Variants in SRPK2 observed in about 807,000 individuals in gnomAD.
The protein encoded by SRPK2 is SFRS protein kinase 2.
Under a neutral mutation model 90.8 loss-of-function variants are expected in SRPK2, and 21 were observed. The observed-to-expected ratio is 0.23, with a 90% CI of 0.16 to 0.33. The LOEUF (loss-of-function observed/expected upper bound fraction) is 0.33. Ranked by LOEUF, SRPK2 falls within the 10% of genes least tolerant of loss-of-function variation. SRPK2 has a pLI of 1.00. For missense variants in SRPK2, 620 were observed against 869.0 expected (o/e 0.71, Z 3.60); for synonymous variants, 288 against 311.1 (o/e 0.93, Z 0.78).
chr7:105,211,687 A>C (rs1488745957), intron 2 of SRPK2, among the ~76,000 whole-genome samples: 9 of 152,062 alleles, frequency 5.9e-5, no homozygotes, highest in African/African-American at 1.7e-4. Context: ...ACCAGGTACC[A>C]CCTCCAACAT....
At chr7:105,286,746 C>G (rs1363761237) in intron 2 of SRPK2, among the ~76,000 whole-genome samples, 1 of 152,212 alleles carries the variant, frequency 6.6e-6, no homozygotes, top group East Asian at 1.9e-4. Context: ...AACAATTAGT[C>G]AATCATGCCA....
At chr7:105,319,736 C>T (rs935474502) in intron 2 of SRPK2, among the ~76,000 whole-genome samples, 1 of 151,998 alleles carries the variant, frequency 6.6e-6, no homozygotes, top group African/African-American at 2.4e-5. Flanking sequence ...TTCCAGCAGC[C>T]GTACTTTAAC....
chr7:105,306,958 G>C (rs1054582953), intron 2 of SRPK2, among the ~76,000 whole-genome samples: 3 of 152,166 alleles, frequency 2.0e-5, no homozygotes, highest in South Asian at 2.1e-4. Flanking sequence ...GTTCTGAATA[G>C]AGAATACAAT....
Position 105,388,852 on chromosome 7 carries a change from G to C in SRPK2, c.-46C>G. 7.6e-7 allele frequency: 1 copy of C among 1,314,614 alleles called. No homozygotes were observed. Among genetic ancestry groups the C allele is most frequent in the Non-Finnish European group, 9.6e-7 (1 of 1,037,924 alleles). 81.4% of individuals were successfully genotyped at this position (1,314,614 alleles called of 1,614,324 possible). ...GCGGGGGGCTTCGCGACGGCGACGCGGGCGCCGAGACGAGCTGGGCTGCAG... is the reference window on the plus strand; with the variant it reads ...GCGGGGGGCTTCGCGACGGCGACGCCGGCGCCGAGACGAGCTGGGCTGCAG... On this transcript the variant is annotated 5_prime_UTR_variant, in exon 1 of 16. Transcript: ENST00000393651.
intron 2 of SRPK2, among the ~76,000 whole-genome samples, chr7:105,334,695 C>A (rs1245109867): frequency 2.0e-5 from 3 of 151,696 alleles, no homozygotes; most frequent in African/African-American, 7.3e-5. Flanking sequence ...AAAAAATTAG[C>A]CAGGTATGGT....
In SRPK2 at chr7:105,117,527, G is replaced by T; in HGVS notation, c.*311C>A. On this transcript the variant is annotated 3_prime_UTR_variant, in exon 16 of 16. Coordinates refer to ENST00000393651, the MANE Select transcript of SRPK2 (RefSeq NM_182692.3). ...GTTACAAAACCTGCCAAAACACAAA[G>T]GGGAAAGTATTTTTCATTCAAAAAA... The T allele has an allele frequency of 3.4e-6, 1 of 293,164 alleles. No individual in the cohort carries two copies. The highest frequency in any genetic ancestry group is 6.3e-6 in the Non-Finnish European group (1 of 158,576). The allele number at this position is 293,164 out of a possible 1,614,324, so 18.2% of individuals were successfully genotyped here.
At position 105,221,147 on chromosome 7, in the gene SRPK2, T is replaced by C. The variant is rs748713701; in HGVS notation, c.72-17362A>G. Among the ~76,000 whole-genome samples the C allele has an allele frequency of 2.6e-3, 393 of 152,280 alleles. 2 individuals are homozygous for C. The highest frequency in any genetic ancestry group is 0.01 in the Middle Eastern group (3 of 294). ...ATTCCTCAACTCACGATGAGGAATA[T>C]CCAAAACACCCTTCATAAAGTTGAA... is the stretch of plus-strand genomic sequence containing the variant. On this transcript the variant is annotated intron_variant, in intron 2 of 15. Coordinates refer to ENST00000393651, the MANE Select transcript of SRPK2 (RefSeq NM_182692.3).
At chr7:105,271,627 C>T (rs1805846018) in intron 2 of SRPK2, among the ~76,000 whole-genome samples, 1 of 152,158 alleles carries the variant, frequency 6.6e-6, no homozygotes, top group Non-Finnish European at 1.5e-5. Context: ...ATCGGGGGTA[C>T]CTGGATGTCC....
chr7:105,386,220 A>G (rs1184279531), intron 2 of SRPK2, among the ~76,000 whole-genome samples: 1 of 151,206 alleles, frequency 6.6e-6, no homozygotes, highest in Non-Finnish European at 1.5e-5. Context: ...AGGCTGAGGC[A>G]GGAGAATGGC....
intron 15 of SRPK2, among the ~76,000 whole-genome samples, chr7:105,123,900 G>C (rs1800756695): frequency 6.6e-6 from 1 of 152,218 alleles, no homozygotes; most frequent in African/African-American, 2.4e-5. Context: ...GGAACACCAA[G>C]TGAAAATATT....
intron 2 of SRPK2, chr7:105,298,739 T>C (rs1183766296): frequency 1.0e-6 from 1 of 985,462 alleles, no homozygotes; most frequent in East Asian, 1.1e-4. Context: ...ATGCCTCACG[T>C]TAGCAGTAGG....
At chr7:105,118,294 G>A (rs1227198544) in intron 15 of SRPK2, among the ~76,000 whole-genome samples, 1 of 152,106 alleles carries the variant, frequency 6.6e-6, no homozygotes, top group African/African-American at 2.4e-5. Context: ...AGTGGAGTGG[G>A]CTCAGTTTGC....
intron 2 of SRPK2, among the ~76,000 whole-genome samples, chr7:105,375,690 A>C (rs1585957686): frequency 6.6e-6 from 1 of 152,340 alleles, no homozygotes; most frequent in African/African-American, 2.4e-5. Context: ...TAACAACCAC[A>C]AAACGGCCAA....
chr7:105,365,294 G>A (rs62484712), intron 2 of SRPK2, among the ~76,000 whole-genome samples: 41,858 of 151,392 alleles, frequency 0.28, 6,261 homozygotes, highest in Middle Eastern at 0.34. Flanking sequence ...AGACCAGCCC[G>A]GCCAATATTG....
intron 3 of SRPK2, among the ~76,000 whole-genome samples, chr7:105,201,266 C>G (rs1175574870): frequency 6.6e-6 from 1 of 152,126 alleles, no homozygotes; most frequent in South Asian, 2.1e-4. Flanking sequence ...GTAATGCTAA[C>G]TAAAGGTACA....
intron 2 of SRPK2, among the ~76,000 whole-genome samples, chr7:105,208,371 G>A (rs535115617): frequency 1.3e-5 from 2 of 152,154 alleles, no homozygotes; most frequent in East Asian, 1.9e-4. Flanking sequence ...TATTTTTAAC[G>A]AAAAGCAGAA....
intron 2 of SRPK2, among the ~76,000 whole-genome samples, chr7:105,309,275 A>G (rs1811457680): frequency 6.6e-6 from 1 of 152,174 alleles, no homozygotes; most frequent in South Asian, 2.1e-4. Flanking sequence ...GAAAAAAAAT[A>G]CATTAAAAGT....
intron 2 of SRPK2, among the ~76,000 whole-genome samples, chr7:105,235,131 T>G (rs1289183259): frequency 6.6e-6 from 1 of 152,230 alleles, no homozygotes; most frequent in African/African-American, 2.4e-5. Context: ...GGAGACCATC[T>G]GAGGCAGACA....
At chr7:105,347,824 T>A (rs1470377220) in intron 2 of SRPK2, among the ~76,000 whole-genome samples, 1 of 145,416 alleles carries the variant, frequency 6.9e-6, no homozygotes, top group Non-Finnish European at 1.5e-5. Context: ...ACCACTACAC[T>A]CCAGCCTGGG....
Sources: allele counts gnomAD v4.1 joint callset (sites outside exome capture counted in the v4.1 genomes callset), GRCh38; gene constraint gnomAD v4.1.1; transcripts MANE v1.5; gene names NCBI Gene and HGNC (gene_info 2026-07-23, HGNC 2026-07-21).